Variants in SIRT1 observed in about 807,000 individuals in gnomAD.
The protein encoded by SIRT1 is NAD-dependent protein deacetylase sirtuin-1.
SIRT1 carries 24 observed loss-of-function variants against 67.9 expected under a neutral mutation model. The ratio of observed to expected loss-of-function variants is 0.35; its 90% CI spans 0.26 to 0.50. The LOEUF (loss-of-function observed/expected upper bound fraction) is 0.50, where lower values mean the gene tolerates loss of function less well. Among genes scored for constraint, SIRT1 ranks in the 20% least tolerant of loss-of-function variants. The probability of loss-of-function intolerance (pLI) is 0.98; values close to 1 mark genes in which losing one functional copy is unlikely to be tolerated. For synonymous variants in SIRT1, 378 were observed against 350.7 expected (o/e 1.08, Z -0.87); for missense variants, 873 against 937.2 (o/e 0.93, Z 0.89).
At chr10:67,908,339 T>G (rs1842850908) in intron 6 of SIRT1, among the ~76,000 whole-genome samples, 1 of 152,222 alleles carries the variant, frequency 6.6e-6, no homozygotes, top group Non-Finnish European at 1.5e-5. Flanking sequence ...ATTATGAAAT[T>G]GGCTTCTTAG....
chr10:67,902,146 G>A (rs1306085423), intron 4 of SIRT1, among the ~76,000 whole-genome samples: 8 of 152,020 alleles, frequency 5.3e-5, no homozygotes, highest in South Asian at 4.1e-4. Context: ...CTGTCTCCAC[G>A]CCCGGCTAGT....
chr10:67,888,811 T>G, intron 2 of SIRT1, 71 bp from the exon 3 acceptor site: 1 of 1,513,850 alleles, frequency 6.6e-7, no homozygotes. Flanking sequence ...GCTAACTCAT[T>G]ACTTCAGAAA....
intron 4 of SIRT1, among the ~76,000 whole-genome samples, chr10:67,896,693 C>T (rs1039062343): frequency 7.2e-6 from 1 of 138,632 alleles, no homozygotes; most frequent in African/African-American, 2.7e-5. Flanking sequence ...ACTCAGGAGG[C>T]TGAGTTTGCC....
intron 4 of SIRT1, among the ~76,000 whole-genome samples, chr10:67,896,431 A>G (rs1297291602): frequency 3.3e-5 from 5 of 152,186 alleles, no homozygotes; most frequent in Admixed American, 3.3e-4. Flanking sequence ...GGCATAGGCC[A>G]CTGCACCCGG....
intron 6 of SIRT1, among the ~76,000 whole-genome samples, chr10:67,908,640 A>T (rs1842854595): frequency 1.3e-5 from 2 of 152,242 alleles, no homozygotes; most frequent in Admixed American, 1.3e-4. Flanking sequence ...GCAGTGGCTC[A>T]TGCTTGTAAT....
rs1336303955 is a variant in SIRT1 at position 67,884,672 on chromosome 10, G to C, written c.-50G>C. ...CGCGGGGGCGCCAGTGCCGCGCGTC[G>C]AGCGGGAGCAGAGGAGGCGAGGGAG... On this transcript the variant is annotated 5_prime_UTR_variant, in exon 1 of 9. Coordinates refer to ENST00000212015, the MANE Select transcript of SIRT1 (RefSeq NM_012238.5). 6.5e-6 allele frequency: 8 copies of C among 1,225,624 alleles called. No homozygotes were observed. The highest frequency in any genetic ancestry group is 4.2e-5 in the South Asian group (1 of 23,716). 75.9% of individuals were successfully genotyped at this position (1,225,624 alleles called of 1,614,324 possible). A position where few individuals can be genotyped will look rare whatever the true frequency, so the allele number is the denominator to read the frequency against.
intron 3 of SIRT1, among the ~76,000 whole-genome samples, chr10:67,890,711 C>T (rs1257958553): frequency 1.3e-5 from 2 of 151,718 alleles, no homozygotes; most frequent in East Asian, 1.9e-4. Context: ...CCAGCCTGGG[C>T]GTCAGAGCGA....
chr10:67,886,555 CAAAAAAAAA>C (rs34780303), intron 1 of SIRT1, among the ~76,000 whole-genome samples: 1 of 97,912 alleles, frequency 1.0e-5, no homozygotes, highest in African/African-American at 3.8e-5. Flanking sequence ...GACCCCGTCT[CAAAAAAAAA>C]AAAAAAAAAA....
intron 8 of SIRT1, among the ~76,000 whole-genome samples, chr10:67,915,690 T>G (rs2029887925): frequency 6.6e-6 from 1 of 152,210 alleles, no homozygotes; most frequent in South Asian, 2.1e-4. Context: ...AAAGTTAAAA[T>G]AGTTAATGAA....
chr10:67,908,868 C>T (rs1030333648), intron 6 of SIRT1, among the ~76,000 whole-genome samples: 12 of 152,160 alleles, frequency 7.9e-5, no homozygotes, highest in African/African-American at 2.7e-4. Flanking sequence ...TGCCACTTCA[C>T]TCCAGGCTGG....
intron 7 of SIRT1, among the ~76,000 whole-genome samples, chr10:67,911,865 C>G (rs560791640): frequency 6.7e-6 from 1 of 149,698 alleles, no homozygotes; most frequent in Non-Finnish European, 1.5e-5. Flanking sequence ...TGCAGTCTCC[C>G]GTGTTCAAGC....
At position 67,917,233 on chromosome 10, in the gene SIRT1, C is replaced by CTAAGAA. The variant is rs1358207609; in HGVS notation, c.*642_*647dup. 1 of 152,506 alleles carries CTAAGAA rather than the reference C, an allele frequency of 6.6e-6. No individual in the cohort carries two copies. The highest frequency in any genetic ancestry group is 2.4e-5 in the African/African-American group (1 of 41,418). The allele number at this position is 152,506 out of a possible 1,614,324, so 9.4% of individuals were successfully genotyped here. On this transcript the variant is annotated 3_prime_UTR_variant, in exon 9 of 9. Coordinates refer to ENST00000212015, the MANE Select transcript of SIRT1 (RefSeq NM_012238.5). ...TTACTTTTAAAAGTAATACTTGGTG[C>CTAAGAA]TAAGAATTTCAGGATTATTGTATTT...
intron 3 of SIRT1, among the ~76,000 whole-genome samples, chr10:67,890,165 C>T (rs911523607): frequency 2.6e-5 from 4 of 151,954 alleles, no homozygotes. Flanking sequence ...AAGCAATTCT[C>T]TTGCCTCAGC....
At chr10:67,896,153 T>G (rs1390714288) in intron 4 of SIRT1, among the ~76,000 whole-genome samples, 1 of 152,142 alleles carries the variant, frequency 6.6e-6, no homozygotes, top group Non-Finnish European at 1.5e-5. Flanking sequence ...GGGCTGGATT[T>G]TTCTTTTTGT....
chr10:67,891,540 T>A lies in SIRT1; in HGVS notation c.928T>A (p.Phe310Ile). ...EYFRKDPRPF[F>I]KFAKEIYPGQ... ...TTTCAGAAAAGATCCAAGACCATTC[T>A]TCAAGTTTGCAAAGGTACTATGAAC... Residue 310 changes from phenylalanine (F) to isoleucine (I), a missense_variant, in exon 4 of 9, where the codon TTC (phenylalanine) becomes ATC (isoleucine). Around this residue, in one of 3 missense-constraint regions of SIRT1, gnomAD observed 251 missense variants for 358.8 expected, o/e 0.70. Coordinates refer to ENST00000212015, the MANE Select transcript of SIRT1 (RefSeq NM_012238.5). The A allele has an allele frequency of 6.2e-7, 1 of 1,614,078 alleles. No individual in the cohort carries two copies. The highest frequency in any genetic ancestry group is 8.5e-7 in the Non-Finnish European group (1 of 1,179,982).
chr10:67,907,551 G>A (rs1006585089), intron 5 of SIRT1, among the ~76,000 whole-genome samples: 11 of 150,884 alleles, frequency 7.3e-5, no homozygotes, highest in African/African-American at 2.7e-4. Context: ...AGCTGTTAAT[G>A]AAGAAATGTG....
chr10:67,915,981 G>A (rs1258037980), intron 8 of SIRT1, among the ~76,000 whole-genome samples: 1 of 152,072 alleles, frequency 6.6e-6, no homozygotes, highest in Admixed American at 6.5e-5. Flanking sequence ...TAAGTGTATT[G>A]CTTGTATTTA....
At chr10:67,904,569 G>A (rs181416380) in intron 4 of SIRT1, among the ~76,000 whole-genome samples, 300 of 152,220 alleles carry the variant, frequency 2.0e-3, no homozygotes, top group Middle Eastern at 3.4e-3. Flanking sequence ...CGCTTGGCCG[G>A]GTGCAGTGGC....
In SIRT1 at chr10:67,887,413, G is replaced by A. The variant is rs201561045; in HGVS notation, c.431-4G>A. Reference sequence around the variant, plus strand: ...AGCCTTGACTGACTTGGTTTCTTTTGCAGATAACCTTCTGTTCGGTGATGA... The same window carrying A: ...AGCCTTGACTGACTTGGTTTCTTTTACAGATAACCTTCTGTTCGGTGATGA... On this transcript the variant is annotated splice_region_variant and splice_polypyrimidine_tract_variant and intron_variant, in intron 1 of 8. Coordinates refer to ENST00000212015, the MANE Select transcript of SIRT1 (RefSeq NM_012238.5). The A allele has an allele frequency of 1.9e-6, 3 of 1,601,846 alleles. No homozygotes were observed. The Admixed American group carries it at 5.0e-5, about 27-fold the overall frequency.
Sources: gnomAD v4.1 joint callset for allele counts (sites outside exome capture counted in the v4.1 genomes callset) on GRCh38, gnomAD v4.1.1 for gene constraint, gnomAD v4.1.1 regional missense constraint, MANE v1.5 for transcripts, NCBI Gene and HGNC (gene_info 2026-07-23, HGNC 2026-07-21) for gene names.